Variants in NTRK3 observed in about 807,000 individuals in gnomAD.
NTRK3 encodes neurotrophic receptor tyrosine kinase 3.
Under a neutral mutation model 91.7 loss-of-function variants are expected in NTRK3, and 24 were observed. The ratio of observed to expected loss-of-function variants is 0.26; its 90% CI spans 0.19 to 0.37. The LOEUF is 0.37. NTRK3 is among the 10% of genes least tolerant of loss of function. The pLI, the probability that NTRK3 is intolerant of heterozygous loss-of-function variation, is 1.00. For missense variants in NTRK3, 880 were observed against 1,068.9 expected (o/e 0.82, Z 2.46); for synonymous variants, 483 against 404.0 (o/e 1.20, Z -2.34).
At chr15:87,944,319 A>G (rs1327588830) in intron 14 of NTRK3, among the ~76,000 whole-genome samples, 1 of 152,196 alleles carries the variant, frequency 6.6e-6, no homozygotes, top group African/African-American at 2.4e-5. Flanking sequence ...AGACTCCAGA[A>G]TACCATATGA....
At chr15:88,071,315 T>C (rs949704547) in intron 13 of NTRK3, among the ~76,000 whole-genome samples, 15 of 152,364 alleles carry the variant, frequency 9.8e-5, no homozygotes, top group African/African-American at 3.4e-4. Flanking sequence ...CCTTGCCTGC[T>C]TCCTTCCTGA....
intron 13 of NTRK3, among the ~76,000 whole-genome samples, chr15:88,119,407 T>A (rs1162523740): frequency 6.6e-6 from 1 of 152,146 alleles, no homozygotes; most frequent in African/African-American, 2.4e-5. Flanking sequence ...AAACCTAACC[T>A]CTTTAATTTA....
Position 88,063,393 on chromosome 15 carries a change from T to C in NTRK3, c.1397-30348A>G, listed in dbSNP as rs79584807. Among the ~76,000 whole-genome samples, 37 of 152,356 alleles carry C rather than the reference T, an allele frequency of 2.4e-4. No individual in the cohort carries two copies. The East Asian group carries it at 6.4e-3, about 26-fold the overall frequency. ...CATTTTTACAAATTTCCAATCTGTCTGAAGACAGCTTCTCTCACTAATGGA... is the reference window on the plus strand; with the variant it reads ...CATTTTTACAAATTTCCAATCTGTCCGAAGACAGCTTCTCTCACTAATGGA... On this transcript the variant is annotated intron_variant, in intron 13 of 18. Transcript: ENST00000394480.
intron 16 of NTRK3, among the ~76,000 whole-genome samples, chr15:87,930,381 T>G (rs1278307352): frequency 6.6e-6 from 1 of 152,134 alleles, no homozygotes; most frequent in Non-Finnish European, 1.5e-5. Context: ...GGAGCCCTGG[T>G]GTACAGCAAG....
intron 5 of NTRK3, among the ~76,000 whole-genome samples, chr15:88,149,135 C>T (rs112219234): frequency 2.0e-5 from 3 of 152,198 alleles, no homozygotes; most frequent in African/African-American, 4.8e-5. Flanking sequence ...GGGAGGGAGT[C>T]CACCCAGTTC....
intron 10 of NTRK3, among the ~76,000 whole-genome samples, chr15:88,133,117 G>T (rs2041531004): frequency 1.3e-5 from 2 of 152,318 alleles, no homozygotes; most frequent in African/African-American, 4.8e-5. Flanking sequence ...ACATTCTCAG[G>T]TGAGGTGGAT....
At chr15:88,085,873 T>G (rs555431799) in intron 13 of NTRK3, among the ~76,000 whole-genome samples, 1 of 152,304 alleles carries the variant, frequency 6.6e-6, no homozygotes, top group East Asian at 1.9e-4. Context: ...ATACAGAGAT[T>G]AATGAGGACA....
chr15:88,206,292 G>A (rs141735281), intron 3 of NTRK3, among the ~76,000 whole-genome samples: 1 of 147,538 alleles, frequency 6.8e-6, no homozygotes, highest in African/African-American at 2.5e-5. Flanking sequence ...CCTGCAGTGA[G>A]CCGAGATCGC....
At chr15:88,113,612 G>A (rs984182849) in intron 13 of NTRK3, among the ~76,000 whole-genome samples, 2 of 152,072 alleles carry the variant, frequency 1.3e-5, no homozygotes, top group African/African-American at 2.4e-5. Context: ...CACCACAGCT[G>A]GTCTAACTTT....
exon 19 of NTRK3, chr15:87,874,904 G>A (rs1374461870): frequency 4.3e-6 from 1 of 232,430 alleles, no homozygotes; most frequent in Non-Finnish European, 8.5e-6. Context: ...TAGGAGCACA[G>A]CACAGTGAGA....
At chr15:88,061,705 G>A (rs568970371) in intron 13 of NTRK3, among the ~76,000 whole-genome samples, 1 of 152,376 alleles carries the variant, frequency 6.6e-6, no homozygotes, top group Admixed American at 6.5e-5. Context: ...GCAGACGTCA[G>A]AGAGGCTGGG....
chr15:88,232,612 G>A (rs955558031), intron 3 of NTRK3, among the ~76,000 whole-genome samples: 8 of 152,158 alleles, frequency 5.3e-5, no homozygotes, highest in Admixed American at 2.6e-4. Context: ...CACTTGGCTG[G>A]AAAGGAACCG....
At chr15:88,143,761 G>C (rs1433849277) in intron 6 of NTRK3, among the ~76,000 whole-genome samples, 2 of 152,134 alleles carry the variant, frequency 1.3e-5, no homozygotes, top group African/African-American at 4.8e-5. Flanking sequence ...TCACGGCCAA[G>C]ACTGGGAAGA....
Position 88,171,316 on chromosome 15 carries a change from G to T in NTRK3, c.395+12102C>A, listed in dbSNP as rs111908480. On this transcript the variant is annotated intron_variant, in intron 5 of 18. Transcript: ENST00000394480. ...CTGACAAAGCTCCCTCTTGGTAATG[G>T]CAATACACTGATGAGCTGGCAAGGG... is the stretch of plus-strand genomic sequence containing the variant. 7.5e-3 allele frequency among the ~76,000 whole-genome samples: 1,135 copies of T among 152,212 alleles called. 18 individuals carry two copies. Among genetic ancestry groups the T allele is most frequent in the Middle Eastern group, 0.065 (19 of 294 alleles).
chr15:88,065,704 C>T (rs985036730), intron 13 of NTRK3, among the ~76,000 whole-genome samples: 1 of 152,190 alleles, frequency 6.6e-6, no homozygotes, highest in Non-Finnish European at 1.5e-5. Context: ...CTGTTTCCGT[C>T]TTATTTATGG....
chr15:87,900,414 G>C (rs1044295857), intron 17 of NTRK3, among the ~76,000 whole-genome samples: 5 of 152,146 alleles, frequency 3.3e-5, no homozygotes, highest in South Asian at 2.1e-4. Flanking sequence ...TTAGTGAAAA[G>C]AGCACTGGAT....
intron 17 of NTRK3, among the ~76,000 whole-genome samples, chr15:87,892,263 T>C (rs1475710891): frequency 6.6e-6 from 1 of 152,204 alleles, no homozygotes; most frequent in Non-Finnish European, 1.5e-5. Context: ...GGGAAATATC[T>C]GTTTGCAAGT....
chr15:88,169,398 G>T (rs957125871), intron 5 of NTRK3, among the ~76,000 whole-genome samples: 1 of 152,164 alleles, frequency 6.6e-6, no homozygotes, highest in African/African-American at 2.4e-5. Context: ...TGTAACAGAG[G>T]TTAGGGCCCT....
Position 88,135,010 on chromosome 15 carries a change from G to C in NTRK3, c.1204+91C>G, listed in dbSNP as rs1035444190. 1.6e-4 allele frequency: 238 copies of C among 1,451,304 alleles called. 1 individual carries two copies. Among genetic ancestry groups the C allele is most frequent in the Non-Finnish European group, 3.7e-5 (38 of 1,033,234 alleles). The allele number at this position is 1,451,304 out of a possible 1,614,324, so 89.9% of individuals were successfully genotyped here. A position where few individuals can be genotyped will look rare whatever the true frequency, so the allele number is the denominator to read the frequency against. Reference sequence around the variant, plus strand: ...TGCCCATGATAACAGTATGAGTACTGATGCTGCTTCTCCTCTCAAGCTACC... The same window carrying C: ...TGCCCATGATAACAGTATGAGTACTCATGCTGCTTCTCCTCTCAAGCTACC... On this transcript the variant is annotated intron_variant, in intron 10 of 18. Coordinates refer to ENST00000394480, the Ensembl canonical transcript of NTRK3.
Sources: allele counts gnomAD v4.1 joint callset (sites outside exome capture counted in the v4.1 genomes callset), GRCh38; gene constraint gnomAD v4.1.1; transcripts MANE v1.5; gene names NCBI Gene and HGNC (gene_info 2026-07-23, HGNC 2026-07-21).